Variants in GADL1 observed in about 807,000 individuals in gnomAD.
GADL1 encodes GAD like acidic amino acid decarboxylase 1.
A neutral mutation model predicts 69.5 loss-of-function variants in GADL1; 71 were observed. The observed-to-expected ratio is 1.02, with a 90% confidence interval of 0.84 to 1.25. The LOEUF is 1.25. GADL1 is among the 50% of genes most tolerant of loss of function. The probability of loss-of-function intolerance (pLI) is 0.00; values close to 1 mark genes in which losing one functional copy is unlikely to be tolerated. For synonymous variants in GADL1, 254 were observed against 214.4 expected, an observed-to-expected ratio of 1.18 and a Z score of -1.62; for missense variants, 737 against 631.8, an observed-to-expected ratio of 1.17 and a Z score of -1.79.
At chr3:30,887,994 G>T (rs1698732267) in intron 1 of GADL1, among the ~76,000 whole-genome samples, 2 of 152,106 alleles carry the variant, frequency 1.3e-5, no homozygotes, top group Admixed American at 6.5e-5. Context: ...TATAATATTT[G>T]CATATAACCT....
chr3:30,893,586 G>T (rs1168583300), intron 1 of GADL1, among the ~76,000 whole-genome samples: 1 of 151,756 alleles, frequency 6.6e-6, no homozygotes, highest in Non-Finnish European at 1.5e-5. Flanking sequence ...CTAAGTGCCA[G>T]GTTTTATTAT....
intron 1 of GADL1, among the ~76,000 whole-genome samples, chr3:30,891,334 C>A (rs998440791): frequency 6.6e-6 from 1 of 152,140 alleles, no homozygotes; most frequent in South Asian, 2.1e-4. Flanking sequence ...CACATCCAGC[C>A]CTACCATGAG....
intron 1 of GADL1, among the ~76,000 whole-genome samples, chr3:30,865,704 CATT>C (rs1268447858): frequency 3.3e-5 from 5 of 151,996 alleles, no homozygotes; most frequent in African/African-American, 1.2e-4. Context: ...CTGTTCTCTT[CATT>C]ATTAAAGGAA....
chr3:30,853,041 T>C (rs1198488242), intron 4 of GADL1, among the ~76,000 whole-genome samples: 1 of 152,128 alleles, frequency 6.6e-6, no homozygotes, highest in Admixed American at 6.6e-5. Context: ...TTCAACAACA[T>C]GTGACACTAG....
chr3:30,804,569 C>G (rs1216548756), intron 11 of GADL1, among the ~76,000 whole-genome samples: 1 of 151,592 alleles, frequency 6.6e-6, no homozygotes, highest in African/African-American at 2.4e-5. Context: ...ATCCTTCTTA[C>G]TTATCTGACT....
Position 30,801,173 on chromosome 3 carries a change from G to A in GADL1, c.1051-85C>T, listed in dbSNP as rs1697158182. ...GCAAACACATGTACACACACAATGT[G>A]TATATTCTACCTGTGCCAAGTGTAC... is the stretch of plus-strand genomic sequence containing the variant. On this transcript the variant is annotated intron_variant, in intron 11 of 14. Transcript: ENST00000282538. 17 of 973,908 alleles carry A rather than the reference G, an allele frequency of 1.7e-5. No individual in the cohort carries two copies. The South Asian group carries it at 2.4e-4, about 14-fold the overall frequency. 60.3% of individuals were successfully genotyped at this position (973,908 alleles called of 1,614,324 possible). A position where few individuals can be genotyped will look rare whatever the true frequency, so the allele number is the denominator to read the frequency against.
chr3:30,801,174 T>C, intron 11 of GADL1, 86 bp from the exon 12 acceptor site: 1 of 964,972 alleles, frequency 1.0e-6, no homozygotes, highest in East Asian at 2.5e-5. Context: ...ACACAATGTG[T>C]ATATTCTACC....
At chr3:30,783,342 AGAT>A (rs760218995) in intron 13 of GADL1, among the ~76,000 whole-genome samples, 62 of 152,292 alleles carry the variant, frequency 4.1e-4, no homozygotes, top group Non-Finnish European at 8.2e-4. Context: ...AGAAAAATAG[AGAT>A]GATTTTCAGG....
At position 30,850,992 on chromosome 3, in the gene GADL1, C is replaced by T. The variant is rs1391448236; in HGVS notation, c.429-51G>A. On this transcript the variant is annotated intron_variant, in intron 4 of 14. Transcript: ENST00000282538. The stretch of plus-strand genomic sequence containing the variant: ...CTTCTATGACTAGAGTCAAAACATT[C>T]CTTTGGTGTCCCAAGAAATGCACAG... The T allele has an allele frequency of 2.8e-6, 3 of 1,059,238 alleles. No individual in the cohort carries two copies. The African/African-American group carries it at 4.8e-5, about 17-fold the overall frequency. The allele number at this position is 1,059,238 out of a possible 1,614,324, so 65.6% of individuals were successfully genotyped here.
chr3:30,739,156 A>G (rs182801065), intron 14 of GADL1, among the ~76,000 whole-genome samples: 1 of 152,300 alleles, frequency 6.6e-6, no homozygotes, highest in East Asian at 1.9e-4. Context: ...GAATTACAGA[A>G]TTACTGATTT....
chr3:30,731,129 G>A (rs1472527683), intron 14 of GADL1, among the ~76,000 whole-genome samples: 1 of 152,180 alleles, frequency 6.6e-6, no homozygotes, highest in African/African-American at 2.4e-5. Context: ...TGGACCAAAT[G>A]TCTAGCTAGA....
intron 4 of GADL1, among the ~76,000 whole-genome samples, chr3:30,854,065 C>G (rs1035233839): frequency 2.6e-5 from 4 of 152,128 alleles, no homozygotes; most frequent in Admixed American, 2.6e-4. Context: ...TGTACCCACA[C>G]TGGCCTTTCA....
intron 14 of GADL1, among the ~76,000 whole-genome samples, chr3:30,730,242 C>T (rs980380031): frequency 6.6e-6 from 1 of 152,008 alleles, no homozygotes; most frequent in African/African-American, 2.4e-5. Flanking sequence ...TCTTCCAAAT[C>T]CATGTATGCA....
At chr3:30,772,829 TTG>T (rs1358728438) in intron 14 of GADL1, among the ~76,000 whole-genome samples, 1 of 152,114 alleles carries the variant, frequency 6.6e-6, no homozygotes, top group Non-Finnish European at 1.5e-5. Context: ...TGAGCCAAGA[TTG>T]TGCCACTGCA....
intron 14 of GADL1, among the ~76,000 whole-genome samples, chr3:30,759,796 A>G (rs1183618065): frequency 6.6e-6 from 1 of 152,220 alleles, no homozygotes; most frequent in Non-Finnish European, 1.5e-5. Context: ...ACTGTAGCAT[A>G]GTCTCCAATA....
chr3:30,776,102 A>G (rs1353957389), intron 14 of GADL1, among the ~76,000 whole-genome samples: 1 of 152,076 alleles, frequency 6.6e-6, no homozygotes, highest in Non-Finnish European at 1.5e-5. Context: ...AAAATGCATT[A>G]TATTCTGTAT....
intron 14 of GADL1, among the ~76,000 whole-genome samples, chr3:30,740,219 G>C (rs528795481): frequency 1.3e-5 from 2 of 152,236 alleles, no homozygotes; most frequent in African/African-American, 4.8e-5. Context: ...TTGGCAAAAA[G>C]GGCTCTGGTA....
chr3:30,759,443 TTCC>T (rs1444721485), intron 14 of GADL1, among the ~76,000 whole-genome samples: 1 of 152,212 alleles, frequency 6.6e-6, no homozygotes, highest in Non-Finnish European at 1.5e-5. Context: ...CATTTATCTT[TTCC>T]TCAAGTTGAA....
intron 12 of GADL1, among the ~76,000 whole-genome samples, chr3:30,793,452 A>G (rs992542798): frequency 6.6e-6 from 1 of 152,200 alleles, no homozygotes; most frequent in African/African-American, 2.4e-5. Flanking sequence ...CATAATGCAG[A>G]AACCATAAAC....
Sources: allele counts gnomAD v4.1 joint callset (sites outside exome capture counted in the v4.1 genomes callset), GRCh38; gene constraint gnomAD v4.1.1; transcripts MANE v1.5; gene names NCBI Gene and HGNC (gene_info 2026-07-23, HGNC 2026-07-21).